AGO1: variants seen among roughly 807,000 people sequenced by gnomAD.
AGO1 encodes the protein protein argonaute-1.
Under a neutral mutation model 109.2 loss-of-function variants are expected in AGO1, and 11 were observed. That is an observed-to-expected ratio of 0.10 (90% CI 0.06 to 0.17). AGO1 has a LOEUF of 0.17. AGO1 is among the 10% of genes least tolerant of loss of function. The probability of loss-of-function intolerance (pLI) is 1.00; values close to 1 mark genes in which losing one functional copy is unlikely to be tolerated. For synonymous variants in AGO1, 422 were observed against 418.6 expected, an observed-to-expected ratio of 1.01 and a Z score of -0.10; for missense variants, 574 against 1,140.3, an observed-to-expected ratio of 0.50 and a Z score of 7.15.
At chr1:35,913,271 G>A (rs1645673326) in intron 12 of AGO1, among the ~76,000 whole-genome samples, 1 of 150,190 alleles carries the variant, frequency 6.7e-6, no homozygotes. Context: ...CACCCGCCTC[G>A]GCCTCCCAAA....
rs748561732 is a variant in AGO1, at chr1:35,893,182, G to A, written c.416G>A (p.Arg139Gln). The change falls in exon 4 of 19, where the codon CGA becomes CAA. Residue 139 changes from arginine to glutamine, a missense_variant. Around this residue, in one of 8 missense-constraint regions of AGO1, gnomAD observed 129 missense variants for 243.0 expected, o/e 0.53. Transcript: ENST00000373204. The surrounding 1 kb of genome is among the most constrained non-coding windows in gnomAD (Gnocchi z 5.6). ...AAGTGGCTAGCCATTGTGAGCTGGCGAATGCTGCATGAGGCCCTGGTCAGC... is the reference window on the plus strand; with the variant it reads ...AAGTGGCTAGCCATTGTGAGCTGGCAAATGCTGCATGAGGCCCTGGTCAGC... ...SIKWLAIVSWRMLHEALVSGQ... is the reference protein window; with the variant it reads ...SIKWLAIVSWQMLHEALVSGQ... 5 of 1,613,994 alleles carry A rather than the reference G, an allele frequency of 3.1e-6. No individual in the cohort carries two copies. Among genetic ancestry groups the A allele is most frequent in the Admixed American group, 1.7e-5 (1 of 59,988 alleles).
At chr1:35,886,231 C>A (rs1372220052) in intron 1 of AGO1, among the ~76,000 whole-genome samples, 2 of 152,150 alleles carry the variant, frequency 1.3e-5, no homozygotes, top group African/African-American at 4.8e-5. Flanking sequence ...ATCTGCATCA[C>A]AAAGTGGCCG....
chr1:35,915,978 G>A (rs1645728006), intron 15 of AGO1, among the ~76,000 whole-genome samples: 1 of 152,048 alleles, frequency 6.6e-6, no homozygotes, highest in Admixed American at 6.5e-5. Context: ...GACTAATGCT[G>A]TTGACCCTCC....
intron 12 of AGO1, among the ~76,000 whole-genome samples, chr1:35,911,158 G>A (rs1461437351): frequency 6.6e-6 from 1 of 152,150 alleles, no homozygotes; most frequent in African/African-American, 2.4e-5. Flanking sequence ...AGTATATCTA[G>A]GAGTGGATTT....
intron 11 of AGO1, among the ~76,000 whole-genome samples, chr1:35,903,349 CAA>C (rs1390507532): frequency 1.3e-5 from 2 of 151,018 alleles, no homozygotes; most frequent in Non-Finnish European, 2.9e-5. Flanking sequence ...TAAAATGCCA[CAA>C]AACTCAGTTA....
intron 1 of AGO1, among the ~76,000 whole-genome samples, chr1:35,887,045 G>A (rs1277206336): frequency 6.6e-6 from 1 of 152,188 alleles, no homozygotes; most frequent in Non-Finnish European, 1.5e-5. Flanking sequence ...AGGCAGCCAG[G>A]TGCTAGTAGA....
At chr1:35,886,301 A>G (rs1382493052) in intron 1 of AGO1, among the ~76,000 whole-genome samples, 1 of 152,072 alleles carries the variant, frequency 6.6e-6, no homozygotes, top group Non-Finnish European at 1.5e-5. Context: ...AAGCTGGGGT[A>G]AGGGGGGCGG....
chr1:35,917,802 A>C, intron 16 of AGO1, 75 bp downstream of exon 16: 1 of 1,553,156 alleles, frequency 6.4e-7, no homozygotes, highest in Admixed American at 1.8e-5. Context: ...CCCTTGAGAT[A>C]AAGGCTGGGG....
rs1645151014 is a variant in AGO1 at position 35,888,184 on chromosome 1, TAATG to T, written c.26-239_26-236del. The stretch of plus-strand genomic sequence containing the variant: ...AATAGGAACTTATTATATATTAACT[TAATG>T]AATTAAAAATAGACAATAAGGATAA... On this transcript the variant is annotated intron_variant, in intron 1 of 18. Coordinates refer to ENST00000373204, the MANE Select transcript of AGO1 (RefSeq NM_012199.5). This position sits in a 1 kb window ranked among gnomAD's most constrained non-coding sequence, Gnocchi z 4.1. 6.6e-6 allele frequency among the ~76,000 whole-genome samples: 1 copy of T among 152,152 alleles called. No individual in the cohort carries two copies. Among genetic ancestry groups the T allele is most frequent in the South Asian group, 2.1e-4 (1 of 4,830 alleles).
At chr1:35,902,438 T>C in intron 11 of AGO1, 101 bp downstream of exon 11, 1 of 1,445,132 alleles carries the variant, frequency 6.9e-7, no homozygotes. Flanking sequence ...TAATGTGTTC[T>C]GTCTTGACTC....
Position 35,901,747 on chromosome 1 carries a change from T to G in AGO1, c.1140+154T>G, listed in dbSNP as rs1645419990. Among the ~76,000 whole-genome samples the G allele has an allele frequency of 6.6e-6, 1 of 152,220 alleles. No homozygotes were observed. Among genetic ancestry groups the G allele is most frequent in the South Asian group, 2.1e-4 (1 of 4,828 alleles). ...TTTTGCTTCTTGACCGTATAGCTAC[T>G]TTGCTTTCTGTCTCTTTTTCTCTCC... On this transcript the variant is annotated intron_variant, in intron 9 of 18. Coordinates refer to ENST00000373204, the MANE Select transcript of AGO1 (RefSeq NM_012199.5). This position sits in a 1 kb window ranked among gnomAD's most constrained non-coding sequence, Gnocchi z 4.8.
Position 35,893,915 on chromosome 1 carries a change from C to G in AGO1, c.649+105C>G. 1 of 1,530,588 alleles carries G rather than the reference C, an allele frequency of 6.5e-7. No homozygotes were observed. 94.8% of individuals were successfully genotyped at this position (1,530,588 alleles called of 1,614,324 possible). On this transcript the variant is annotated intron_variant, in intron 5 of 18. Coordinates refer to ENST00000373204, the MANE Select transcript of AGO1 (RefSeq NM_012199.5). The surrounding 1 kb of genome is among the most constrained non-coding windows in gnomAD (Gnocchi z 5.6). ...AACCACACTCCTAGTCTAATTCCTA[C>G]AGCCCTGGCACCCCCTTCCCCCATC...
rs1374004974 is a variant in AGO1, at chr1:35,870,082, G to T, written c.-201+179G>T. On this transcript the variant is annotated intron_variant, in intron 1 of 18. Transcript: ENST00000373206. ...TTTCCTGTCAGCCTTCTCTTAAACC[G>T]TGAACTCTAGAGGGAAAGGACCTCA... Among the ~76,000 whole-genome samples, 3 of 150,754 alleles carry T rather than the reference G, an allele frequency of 2.0e-5. No homozygotes were observed. The East Asian group carries it at 5.8e-4, about 29-fold the overall frequency.
intron 1 of AGO1, among the ~76,000 whole-genome samples, chr1:35,885,852 A>T (rs1279240315): frequency 6.6e-6 from 1 of 152,266 alleles, no homozygotes; most frequent in African/African-American, 2.4e-5. Flanking sequence ...TCAAGTGTGA[A>T]CATAAATGGT....
At chr1:35,917,904 C>T (rs1645763663) in intron 16 of AGO1, among the ~76,000 whole-genome samples, 177 bp downstream of exon 16, 1 of 152,082 alleles carries the variant, frequency 6.6e-6, no homozygotes, top group African/African-American at 2.4e-5. Context: ...CTAGTGTCCA[C>T]CTCCTCCCGT....
At chr1:35,870,510 CTT>C (rs1157629019) in intron 1 of AGO1, among the ~76,000 whole-genome samples, 2 of 152,108 alleles carry the variant, frequency 1.3e-5, no homozygotes, top group Non-Finnish European at 2.9e-5. Context: ...GTCTCGATCT[CTT>C]GACCTCGTGA....
rs750284838 is a variant in AGO1 at position 35,895,102 on chromosome 1, C to T, written c.873-20C>T. 2 of 1,597,450 alleles carry T rather than the reference C, an allele frequency of 1.3e-6. No individual in the cohort carries two copies. The highest frequency in any genetic ancestry group is 1.7e-6 in the Non-Finnish European group (2 of 1,172,008). ...GAATGCTGGGTTATGACACCCCCTTCCTTCCCTTCTTCTGAACAGATTCCC... is the reference window on the plus strand; with the variant it reads ...GAATGCTGGGTTATGACACCCCCTTTCTTCCCTTCTTCTGAACAGATTCCC... On this transcript the variant is annotated intron_variant, in intron 7 of 18. Coordinates refer to ENST00000373204, the MANE Select transcript of AGO1 (RefSeq NM_012199.5).
intron 15 of AGO1, among the ~76,000 whole-genome samples, chr1:35,916,049 A>G (rs1645729352): frequency 6.7e-6 from 1 of 149,966 alleles, no homozygotes; most frequent in Non-Finnish European, 1.5e-5. Flanking sequence ...TTTAACTTCT[A>G]TCCTGAACTG....
intron 1 of AGO1, among the ~76,000 whole-genome samples, chr1:35,872,172 C>T (rs1057415521): frequency 2.7e-5 from 4 of 149,134 alleles, no homozygotes; most frequent in Non-Finnish European, 4.4e-5. Flanking sequence ...AGATTTTAAA[C>T]TAATGACTCA....
Sources: gnomAD v4.1 joint callset for allele counts (sites outside exome capture counted in the v4.1 genomes callset) on GRCh38, gnomAD v4.1.1 for gene constraint, gnomAD v4.1.1 regional missense constraint, Gnocchi (gnomAD v3.1) non-coding constraint, MANE v1.5 for transcripts, NCBI Gene and HGNC (gene_info 2026-07-23, HGNC 2026-07-21) for gene names.